NDEL1: variants seen among roughly 807,000 people sequenced by gnomAD.
The protein encoded by NDEL1 is nudE neurodevelopment protein 1 like 1, also known as nuclear distribution protein nudE-like 1.
NDEL1 carries 9 observed loss-of-function variants against 45.7 expected under a neutral mutation model. The ratio of observed to expected loss-of-function variants is 0.20; its 90% confidence interval spans 0.12 to 0.34. NDEL1 has a LOEUF of 0.34. Among genes scored for constraint, NDEL1 ranks in the 10% least tolerant of loss-of-function variants. The pLI, the probability that NDEL1 is intolerant of heterozygous loss-of-function variation, is 1.00. For synonymous variants in NDEL1, 133 were observed against 158.6 expected (o/e 0.84, Z 1.21); for missense variants, 306 against 406.2 (o/e 0.75, Z 2.12).
At chr17:8,470,730 C>T (rs1911813881), downstream of NDEL1, among the ~76,000 whole-genome samples, 1 of 152,240 alleles carries the variant, frequency 6.6e-6, no homozygotes, top group East Asian at 1.9e-4. This position sits in a 1 kb window ranked among gnomAD's most constrained non-coding sequence, Gnocchi z 4.2. Flanking sequence ...TGAGGCCTCA[C>T]TGGCCTTGAC....
intron 1 of NDEL1, among the ~76,000 whole-genome samples, chr17:8,437,980 A>T (rs1159311294): frequency 6.6e-6 from 1 of 151,882 alleles, no homozygotes; most frequent in Non-Finnish European, 1.5e-5. Context: ...TTTTTCTTTG[A>T]TGGAGTCTCC....
At chr17:8,439,471 C>T (rs1040554372) in intron 1 of NDEL1, among the ~76,000 whole-genome samples, 51 of 147,536 alleles carry the variant, frequency 3.5e-4, no homozygotes, top group Middle Eastern at 3.6e-3. Context: ...CCAGGCTGGT[C>T]TTGAACTCCT....
intron 3 of NDEL1, among the ~76,000 whole-genome samples, chr17:8,473,918 G>A (rs1912062596): frequency 1.3e-5 from 2 of 152,368 alleles, no homozygotes; most frequent in South Asian, 4.1e-4. Flanking sequence ...CCAGCAGTGA[G>A]CTTCATTGGC....
At chr17:8,470,175 T>TA (rs1911802500), downstream of NDEL1, among the ~76,000 whole-genome samples, 1 of 152,212 alleles carries the variant, frequency 6.6e-6, no homozygotes, top group African/African-American at 2.4e-5. This position sits in a 1 kb window ranked among gnomAD's most constrained non-coding sequence, Gnocchi z 4.2. Context: ...TGAATGCCGC[T>TA]ACGTACCGTT....
At chr17:8,469,857 G>A (rs1195796451), downstream of NDEL1, among the ~76,000 whole-genome samples, 1 of 111,344 alleles carries the variant, frequency 9.0e-6, no homozygotes, top group Non-Finnish European at 1.8e-5. Context: ...GCCATGCCTG[G>A]CTAATTTTTT....
chr17:8,445,431 C>T (rs759380733), intron 2 of NDEL1, among the ~76,000 whole-genome samples: 7 of 152,244 alleles, frequency 4.6e-5, no homozygotes, highest in South Asian at 4.1e-4. Context: ...GCATTTTTCT[C>T]GCATCTGAGT....
intron 1 of NDEL1, among the ~76,000 whole-genome samples, chr17:8,417,989 GC>G (rs1908595500): frequency 6.6e-6 from 1 of 152,044 alleles, no homozygotes; most frequent in Non-Finnish European, 1.5e-5. Context: ...CCTGTTTTTA[GC>G]CCCACCCTAC....
At chr17:8,459,580 G>A (rs1597554369) in intron 7 of NDEL1, among the ~76,000 whole-genome samples, 3 of 152,044 alleles carry the variant, frequency 2.0e-5, no homozygotes, top group Admixed American at 1.3e-4. Flanking sequence ...GAAAGAATTG[G>A]CTGCCGTAAA....
rs185921125 is a variant in NDEL1, at chr17:8,414,202, G to A, written c.-13+933G>A. Among the ~76,000 whole-genome samples the A allele has an allele frequency of 7.8e-4, 119 of 152,016 alleles. 2 individuals carry two copies. Among genetic ancestry groups the A allele is most frequent in the African/African-American group, 2.8e-3 (115 of 41,448 alleles). ...CCAGTCTCCTATTGGTGGGTGTTTA[G>A]GGTGTTTCCAATTTATTTCTATAAT... On this transcript the variant is annotated intron_variant, in intron 1 of 4. Coordinates refer to the NDEL1 transcript ENST00000582812.
At chr17:8,461,446 T>A (rs953521621) in intron 8 of NDEL1, 1 of 152,252 alleles carries the variant, frequency 6.6e-6, no homozygotes, top group African/African-American at 2.4e-5. Context: ...GAGATGGGGG[T>A]CTCACTCTGT....
At chr17:8,457,458 A>T (rs773311588) in intron 7 of NDEL1, among the ~76,000 whole-genome samples, 18 of 152,236 alleles carry the variant, frequency 1.2e-4, no homozygotes, top group Non-Finnish European at 2.4e-4. Context: ...CCGTCTTCTA[A>T]GAGTTATCAA....
chr17:8,456,310 C>A (rs1910839075), intron 7 of NDEL1, among the ~76,000 whole-genome samples: 1 of 152,098 alleles, frequency 6.6e-6, no homozygotes, highest in Admixed American at 6.5e-5. Context: ...CCCAAGATAA[C>A]CATTTTAAAA....
chr17:8,471,377 G>A (rs766951872), downstream of NDEL1, among the ~76,000 whole-genome samples: 3 of 152,148 alleles, frequency 2.0e-5, no homozygotes, highest in Non-Finnish European at 4.4e-5. Context: ...TCCAGGAGTC[G>A]GGCAATGACA....
downstream of NDEL1, among the ~76,000 whole-genome samples, chr17:8,471,723 A>G (rs374605699): frequency 1.6e-4 from 24 of 152,298 alleles, no homozygotes; most frequent in South Asian, 3.9e-3. Context: ...ACACCCTTTC[A>G]ATAGCTTCAT....
chr17:8,440,639 T>C (rs1475325078), intron 1 of NDEL1, among the ~76,000 whole-genome samples: 1 of 152,232 alleles, frequency 6.6e-6, no homozygotes, highest in Non-Finnish European at 1.5e-5. Context: ...AAAAGTTTCA[T>C]GCAAAAGGCT....
chr17:8,427,177 G>A (rs1218573531), intron 1 of NDEL1, among the ~76,000 whole-genome samples: 1 of 152,234 alleles, frequency 6.6e-6, no homozygotes, highest in Admixed American at 6.5e-5. Context: ...GGGATAAACT[G>A]ATGGGAGAGC....
chr17:8,419,138 C>A (rs9901445), intron 1 of NDEL1, among the ~76,000 whole-genome samples: 4,989 of 152,166 alleles, frequency 0.033, 100 homozygotes, highest in African/African-American at 0.045. Context: ...GTGTGAGTCA[C>A]CACACCTGGC....
chr17:8,461,756 A>C (rs1029118735), intron 8 of NDEL1, among the ~76,000 whole-genome samples: 2 of 152,150 alleles, frequency 1.3e-5, no homozygotes, highest in African/African-American at 2.4e-5. Flanking sequence ...AAATGTTGGA[A>C]GCAGTGCCTA....
intron 4 of NDEL1, among the ~76,000 whole-genome samples, chr17:8,447,434 C>T (rs548878551): frequency 9.2e-5 from 14 of 152,326 alleles, no homozygotes; most frequent in Middle Eastern, 3.4e-3. Flanking sequence ...TGAGCCACTG[C>T]ACCCAGCCTA....
Sources: allele counts gnomAD v4.1 joint callset (sites outside exome capture counted in the v4.1 genomes callset), GRCh38; gene constraint gnomAD v4.1.1; non-coding constraint Gnocchi (gnomAD v3.1); transcripts MANE v1.5; gene names NCBI Gene and HGNC (gene_info 2026-07-23, HGNC 2026-07-21).